The following VTI1A variants were observed in gnomAD, a reference collection of about 807,000 sequenced individuals.
The protein encoded by VTI1A is vesicle transport through interaction with t-SNAREs homolog 1A.
In VTI1A, 22 loss-of-function variants were observed where a neutral mutation model predicts 34.9. That is an observed-to-expected ratio of 0.63 (90% CI 0.45 to 0.90). The LOEUF is 0.90. Among genes scored for constraint, VTI1A ranks in the 40% least tolerant of loss-of-function variants. The pLI is 0.00. For missense variants in VTI1A, 268 were observed against 275.6 expected (o/e 0.97, Z 0.20); for synonymous variants, 87 against 97.3 (o/e 0.89, Z 0.62).
At chr10:112,593,030 A>G (rs1014122660) in intron 5 of VTI1A, among the ~76,000 whole-genome samples, 1 of 152,226 alleles carries the variant, frequency 6.6e-6, no homozygotes, top group Non-Finnish European at 1.5e-5. Flanking sequence ...AATACTTTCA[A>G]ATAGATACTA....
At chr10:112,829,737 G>C in the VTI1A span, among the ~76,000 whole-genome samples, 1 of 152,204 alleles carries the variant, frequency 6.6e-6, no homozygotes, top group African/African-American at 2.4e-5. Flanking sequence ...CTGGGCAACA[G>C]AGAAAGACTC....
intron 7 of VTI1A, among the ~76,000 whole-genome samples, chr10:112,743,033 T>G (rs1176775083): frequency 6.6e-6 from 1 of 151,764 alleles, no homozygotes; most frequent in Admixed American, 6.6e-5. Flanking sequence ...TGTGTGTGTG[T>G]GTGTGTGTGT....
At chr10:112,572,778 G>A (rs1852188794) in intron 5 of VTI1A, among the ~76,000 whole-genome samples, 1 of 150,678 alleles carries the variant, frequency 6.6e-6, no homozygotes, top group South Asian at 2.1e-4. Context: ...GGCGGAGCTT[G>A]CAGTGAGCCG....
chr10:112,815,177 C>CACT, intron 7 of VTI1A, 113 bp from the exon 8 acceptor site: 1 of 343,886 alleles, frequency 2.9e-6, no homozygotes, highest in Non-Finnish European at 5.5e-6. Flanking sequence ...ACACACGCTC[C>CACT]CCACCCCCAC....
At chr10:112,852,294 C>G in the VTI1A span, among the ~76,000 whole-genome samples, 1 of 152,208 alleles carries the variant, frequency 6.6e-6, no homozygotes, top group Admixed American at 6.5e-5. Context: ...TGGTCCCTAT[C>G]TGCTCCCCTT....
intron 5 of VTI1A, among the ~76,000 whole-genome samples, chr10:112,584,399 G>T (rs1844069272): frequency 2.0e-5 from 3 of 152,282 alleles, no homozygotes; most frequent in Middle Eastern, 3.4e-3. Context: ...CTTCAGAGGA[G>T]GAATGAGTAA....
chr10:112,701,838 G>A (rs773014184), intron 7 of VTI1A, among the ~76,000 whole-genome samples: 1 of 152,128 alleles, frequency 6.6e-6, no homozygotes. Context: ...AATTACTCTG[G>A]AGATTCTAGA....
chr10:112,809,417 A>G (rs1024640434), intron 7 of VTI1A, among the ~76,000 whole-genome samples: 4 of 152,256 alleles, frequency 2.6e-5, no homozygotes, highest in South Asian at 4.1e-4. Flanking sequence ...AATTTATCCT[A>G]TGCTCTCACG....
At chr10:112,472,593 T>C (rs1164912471) in intron 3 of VTI1A, among the ~76,000 whole-genome samples, 1 of 152,142 alleles carries the variant, frequency 6.6e-6, no homozygotes, top group Non-Finnish European at 1.5e-5. Context: ...AAGGTGAATT[T>C]AAATTTTGAT....
chr10:112,524,049 A>T (rs1850126491), intron 3 of VTI1A, among the ~76,000 whole-genome samples: 3 of 152,024 alleles, frequency 2.0e-5, no homozygotes, highest in African/African-American at 7.2e-5. Context: ...TTAATTCCAT[A>T]AAAGGTAACA....
intron 3 of VTI1A, among the ~76,000 whole-genome samples, chr10:112,472,110 A>G (rs1848110503): frequency 6.6e-6 from 1 of 152,208 alleles, no homozygotes; most frequent in Admixed American, 6.5e-5. Flanking sequence ...TTCTTGTAAC[A>G]AAGCTGAACT....
intron 5 of VTI1A, among the ~76,000 whole-genome samples, chr10:112,566,565 T>C (rs569542978): frequency 6.6e-6 from 1 of 152,324 alleles, no homozygotes; most frequent in Non-Finnish European, 1.5e-5. Flanking sequence ...AAATTATTGT[T>C]TTGCTGTTTA....
intron 7 of VTI1A, among the ~76,000 whole-genome samples, chr10:112,719,069 C>T (rs750359720): frequency 4.6e-5 from 7 of 152,192 alleles, no homozygotes; most frequent in Non-Finnish European, 4.4e-5. Flanking sequence ...TCTGAAATTA[C>T]CTGTATTCAC....
At chr10:112,454,245 T>C (rs946922869) in intron 1 of VTI1A, among the ~76,000 whole-genome samples, 2 of 152,240 alleles carry the variant, frequency 1.3e-5, no homozygotes, top group African/African-American at 2.4e-5. Context: ...CTTGACACTT[T>C]AATGAGGGTG....
At chr10:112,848,940 G>T in the VTI1A span, among the ~76,000 whole-genome samples, 1 of 152,264 alleles carries the variant, frequency 6.6e-6, no homozygotes, top group African/African-American at 2.4e-5. Flanking sequence ...TTGTGGGTGG[G>T]TCTACCTGGT....
At chr10:112,453,631 G>C (rs1168822367) in intron 1 of VTI1A, among the ~76,000 whole-genome samples, 1 of 151,646 alleles carries the variant, frequency 6.6e-6, no homozygotes, top group African/African-American at 2.4e-5. Context: ...TTTGGCTTCT[G>C]TGTCCTTTTG....
the VTI1A span, among the ~76,000 whole-genome samples, chr10:112,830,847 A>T: frequency 0.027 from 822 of 30,758 alleles, 42 homozygotes; most frequent in African/African-American, 0.085. Context: ...ATATATATAT[A>T]TATTTTTTTT....
At chr10:112,565,918 G>A (rs2134346258) in intron 5 of VTI1A, among the ~76,000 whole-genome samples, 2 of 152,068 alleles carry the variant, frequency 1.3e-5, no homozygotes, top group Admixed American at 1.3e-4. Context: ...GTTAGTAAAT[G>A]TATAATAGAA....
chr10:112,839,993 G>C, the VTI1A span, among the ~76,000 whole-genome samples: 15 of 152,140 alleles, frequency 9.9e-5, no homozygotes, highest in African/African-American at 3.6e-4. Context: ...AAGTTGGACA[G>C]CTGTGAGGAT....
Sources: allele counts gnomAD v4.1 joint callset (sites outside exome capture counted in the v4.1 genomes callset), GRCh38; gene constraint gnomAD v4.1.1; transcripts MANE v1.5; gene names NCBI Gene and HGNC (gene_info 2026-07-23, HGNC 2026-07-21).